Variants in PDGFRB observed in about 807,000 individuals in gnomAD.
The protein encoded by PDGFRB is platelet-derived growth factor receptor beta.
A neutral mutation model predicts 120.2 loss-of-function variants in PDGFRB; 42 were observed. That is an observed-to-expected ratio of 0.35 (90% CI 0.27 to 0.45). The LOEUF (loss-of-function observed/expected upper bound fraction) is 0.45. Among genes scored for constraint, PDGFRB ranks in the 20% least tolerant of loss-of-function variants. PDGFRB has a pLI of 1.00. For missense variants in PDGFRB, 1,149 were observed against 1,476.3 expected, an observed-to-expected ratio of 0.78 and a Z score of 3.63; for synonymous variants, 586 against 606.8, an observed-to-expected ratio of 0.97 and a Z score of 0.50.
At chr5:150,138,059 G>A (rs1760687613) in intron 1 of PDGFRB, among the ~76,000 whole-genome samples, 1 of 151,916 alleles carries the variant, frequency 6.6e-6, no homozygotes. Context: ...ACTGAATGGG[G>A]TGGCCCTTGC....
intron 19 of PDGFRB, 143 bp from the exon 20 acceptor site, chr5:150,119,709 C>T (rs563356823): frequency 1.7e-5 from 11 of 636,688 alleles, no homozygotes; most frequent in Non-Finnish European, 2.0e-5. Flanking sequence ...CTGTGGGCTC[C>T]TTCATGGGCT....
At position 150,121,328 on chromosome 5, in the gene PDGFRB, G is replaced by A. The variant is rs2113890164; in HGVS notation, c.2345-6C>T. The A allele has an allele frequency of 1.5e-6, 2 of 1,342,360 alleles. No homozygotes were observed. The highest frequency in any genetic ancestry group is 4.6e-5 in the East Asian group (2 of 43,628). 83.2% of individuals were successfully genotyped at this position (1,342,360 alleles called of 1,614,324 possible). The stretch of plus-strand genomic sequence containing the variant: ...TCGGCAGGTCCTCTCAGGGGCTAGA[G>A]GAGAAGCAGAGGGTCACCTGCTATC... On this transcript the variant is annotated splice_polypyrimidine_tract_variant and splice_region_variant and intron_variant, in intron 16 of 22. Coordinates refer to ENST00000261799, the MANE Select transcript of PDGFRB (RefSeq NM_002609.4). The surrounding 1 kb of genome is among the most constrained non-coding windows in gnomAD (Gnocchi z 4.1).
chr5:150,129,152 T>C (rs1006676480), intron 10 of PDGFRB, among the ~76,000 whole-genome samples: 6 of 152,246 alleles, frequency 3.9e-5, no homozygotes, highest in Non-Finnish European at 7.3e-5. Context: ...CTTACAGACA[T>C]GCACTATGCC....
chr5:150,139,381 G>A (rs780637070), intron 1 of PDGFRB, among the ~76,000 whole-genome samples: 22 of 152,224 alleles, frequency 1.4e-4, no homozygotes, highest in Non-Finnish European at 2.9e-4. Context: ...TGAACTCTGC[G>A]TCCCCATCCA....
In PDGFRB at chr5:150,114,893, G is replaced by A. The variant is rs1759877496; in HGVS notation, c.*870C>T. The A allele has an allele frequency of 4.3e-6, 1 of 233,354 alleles. No individual in the cohort carries two copies. The highest frequency in any genetic ancestry group is 1.2e-3 in the Middle Eastern group (1 of 836). The allele number at this position is 233,354 out of a possible 1,614,324, so 14.5% of individuals were successfully genotyped here. A position where few individuals can be genotyped will look rare whatever the true frequency, so the allele number is the denominator to read the frequency against. On this transcript the variant is annotated 3_prime_UTR_variant, in exon 23 of 23. Coordinates refer to ENST00000261799, the MANE Select transcript of PDGFRB (RefSeq NM_002609.4). ...ATAGCAGGTCCAATGCAGAGCCAGG[G>A]CCATATACTGGCACACACACGTGGC...
intron 2 of PDGFRB, 150 bp downstream of exon 2, chr5:150,136,858 G>T: frequency 1.5e-6 from 1 of 656,006 alleles, no homozygotes; most frequent in East Asian, 2.9e-5. Context: ...CCTCCACAGA[G>T]CCCACTGGAA....
chr5:150,116,814 CCTT>C (rs1759948227), intron 22 of PDGFRB, among the ~76,000 whole-genome samples: 5 of 152,092 alleles, frequency 3.3e-5, no homozygotes, highest in Non-Finnish European at 7.4e-5. Context: ...GCAATGAGGG[CCTT>C]CGGAGCCTTC....
intron 14 of PDGFRB, 125 bp from the exon 15 acceptor site, chr5:150,123,326 G>A (rs1291403695): frequency 2.9e-6 from 2 of 688,742 alleles, no homozygotes; most frequent in Non-Finnish European, 4.9e-6. Flanking sequence ...AGGCTTTAGT[G>A]CCTTGCAAAT....
rs1760490894 is a variant in PDGFRB at position 150,132,345 on chromosome 5, T to A, written c.1128-251A>T. Among the ~76,000 whole-genome samples, 1 of 152,074 alleles carries A rather than the reference T, an allele frequency of 6.6e-6. No individual in the cohort carries two copies. ...GAGCATTGAAGGAAAGTCCTATTTC[T>A]CTCCCCTTCAGAAAGGTGGACACTG... On this transcript the variant is annotated intron_variant, in intron 7 of 22. Coordinates refer to ENST00000261799, the MANE Select transcript of PDGFRB (RefSeq NM_002609.4). This position sits in a 1 kb window ranked among gnomAD's most constrained non-coding sequence, Gnocchi z 5.0.
chr5:150,117,542 G>GCACACACACACACACACA (rs1289430637), intron 22 of PDGFRB, 76 bp downstream of exon 22: 1 of 433,232 alleles, frequency 2.3e-6, no homozygotes, highest in Admixed American at 4.4e-5. Flanking sequence ...GCGCGCGCGC[G>GCACACACACACACACACA]CGCACACACA....
At chr5:150,153,169 T>C (rs12658230) in intron 1 of PDGFRB, among the ~76,000 whole-genome samples, 1 of 152,084 alleles carries the variant, frequency 6.6e-6, no homozygotes, top group Non-Finnish European at 1.5e-5. Context: ...CACGGTGCTT[T>C]CCACTGCCTG....
rs1759867073 is a variant in PDGFRB at position 150,114,644 on chromosome 5, C to G, written c.*1119G>C. 4.3e-6 allele frequency: 1 copy of G among 233,400 alleles called. No individual in the cohort carries two copies. Among genetic ancestry groups the G allele is most frequent in the East Asian group, 6.0e-5 (1 of 16,556 alleles). The allele number at this position is 233,400 out of a possible 1,614,324, so 14.5% of individuals were successfully genotyped here. On this transcript the variant is annotated 3_prime_UTR_variant, in exon 23 of 23. Coordinates refer to ENST00000261799, the MANE Select transcript of PDGFRB (RefSeq NM_002609.4). ...GGGGAAGGGGCATGGTTCCTGAGTC[C>G]CCAGAGTGTGATGTGTGATCTGGAA...
At position 150,115,640 on chromosome 5, in the gene PDGFRB, T is replaced by C. The variant is rs1384849171; in HGVS notation, c.*123A>G. On this transcript the variant is annotated 3_prime_UTR_variant, in exon 23 of 23. Coordinates refer to ENST00000261799, the MANE Select transcript of PDGFRB (RefSeq NM_002609.4). ...GCACAACACGTCAGGAGCAGAAAGC[T>C]TCCAGAAGGGGACAGCTGATAAGGG... 6.4e-6 allele frequency: 6 copies of C among 932,570 alleles called. No individual in the cohort carries two copies. The highest frequency in any genetic ancestry group is 7.6e-6 in the Non-Finnish European group (5 of 655,716). The allele number at this position is 932,570 out of a possible 1,614,324, so 57.8% of individuals were successfully genotyped here. A position where few individuals can be genotyped will look rare whatever the true frequency, so the allele number is the denominator to read the frequency against.
At position 150,114,334 on chromosome 5, in the gene PDGFRB, T is replaced by A. The variant is rs550274799; in HGVS notation, c.*1429A>T. On this transcript the variant is annotated 3_prime_UTR_variant, in exon 23 of 23. Transcript: ENST00000261799. ...TCTCACATCCTTCTTGGGGTACCCA[T>A]CTGAAGCTTCTTGTCTTTTACAAGA... The A allele has an allele frequency of 4.3e-6, 1 of 233,228 alleles. No homozygotes were observed. Among genetic ancestry groups the A allele is most frequent in the South Asian group, 1.8e-4 (1 of 5,518 alleles). 14.4% of individuals were successfully genotyped at this position (233,228 alleles called of 1,614,324 possible).
At chr5:150,128,800 G>T (rs1216287598) in intron 10 of PDGFRB, among the ~76,000 whole-genome samples, 1 of 152,224 alleles carries the variant, frequency 6.6e-6, no homozygotes, top group East Asian at 1.9e-4. Context: ...GGAGGGAATT[G>T]CCAAGTTCCT....
intron 10 of PDGFRB, among the ~76,000 whole-genome samples, chr5:150,128,484 C>T (rs1461697198): frequency 6.6e-6 from 1 of 152,276 alleles, no homozygotes; most frequent in Non-Finnish European, 1.5e-5. Context: ...CTGCCGACCC[C>T]TGTAGCTCCA....
At chr5:150,131,097 T>C (rs1360641310) in intron 8 of PDGFRB, among the ~76,000 whole-genome samples, 5 of 152,264 alleles carry the variant, frequency 3.3e-5, no homozygotes, top group African/African-American at 9.6e-5. Context: ...AATTTGTTTT[T>C]AGAAAGTCAA....
chr5:150,147,851 G>A (rs1007617134), intron 1 of PDGFRB, among the ~76,000 whole-genome samples: 7 of 152,120 alleles, frequency 4.6e-5, no homozygotes, highest in African/African-American at 1.7e-4. Flanking sequence ...GCTTAGAATA[G>A]GGCCTGGCAC....
rs755585100 is a variant in PDGFRB, at chr5:150,121,257, C to A, written c.2410G>T (p.Val804Leu). Residue 804 changes from valine (V) to leucine (L), a missense_variant, in exon 17 of 23, where the codon GTG (valine) becomes TTG (leucine). By Grantham distance (32) the Val-to-Leu change is conservative. This residue lies in a region of PDGFRB where 879 missense variants were observed against 1,108.6 expected (regional missense o/e 0.79). Coordinates refer to ENST00000261799, the MANE Select transcript of PDGFRB (RefSeq NM_002609.4). This position sits in a 1 kb window ranked among gnomAD's most constrained non-coding sequence, Gnocchi z 4.1. Reference sequence around the variant, plus strand: ...TTGGCCACCTGGTAGCTGAAGCCCACGAGGTCCATGTAGCTTAGCACTGGA... The same window carrying A: ...TTGGCCACCTGGTAGCTGAAGCCCAAGAGGTCCATGTAGCTTAGCACTGGA... ...ESPVLSYMDL[V>L]GFSYQVANGM... is the part of the protein sequence containing the mutation. 6.2e-7 allele frequency: 1 copy of A among 1,609,226 alleles called. No homozygotes were observed.
Sources: allele counts gnomAD v4.1 joint callset (sites outside exome capture counted in the v4.1 genomes callset), GRCh38; gene constraint gnomAD v4.1.1; regional missense constraint gnomAD v4.1.1; non-coding constraint Gnocchi (gnomAD v3.1); transcripts MANE v1.5; gene names NCBI Gene and HGNC (gene_info 2026-07-23, HGNC 2026-07-21).